The following NEB variants were observed in gnomAD, a reference collection of about 807,000 sequenced individuals.
NEB encodes the protein nebulin, also known as nemaline myopathy type 2.
In NEB, 512 loss-of-function variants were observed where a neutral mutation model predicts 952.2. That is an observed-to-expected ratio of 0.54 (90% CI 0.50 to 0.58). NEB has a LOEUF of 0.58. Among genes scored for constraint, NEB ranks in the 20% least tolerant of loss-of-function variants. The pLI is 0.00. For missense variants in NEB, 8,428 were observed against 9,231.1 expected (o/e 0.91, Z 3.56); for synonymous variants, 2,900 against 3,149.8 (o/e 0.92, Z 2.66).
rs2097886912 is a variant in NEB, at chr2:151,609,956, TG to T, written c.12182del (p.Pro4061GlnfsTer5). The T allele has an allele frequency of 6.2e-7, 1 of 1,613,922 alleles. No individual in the cohort carries two copies. Among genetic ancestry groups the T allele is most frequent in the Non-Finnish European group, 8.5e-7 (1 of 1,179,860 alleles). On this transcript the variant is annotated frameshift_variant, in exon 81 of 182. Coordinates refer to ENST00000397345, the MANE Select transcript of NEB (RefSeq NM_001164508.2). LOFTEE classifies it high-confidence loss of function. ...CCAGCAAGATGCTTAACATGTCCAC[TG>T]GGCTAGAGAACTTGGTTTTCCACTT... Reference protein sequence around the residue: ...FQKWKTKFSSPVDMLSILLAK... With the variant: ...FQKWKTKFSSXVDMLSILLAK...
chr2:151,667,917 A>G lies in NEB; in HGVS notation c.4612-6T>C. 6.2e-7 allele frequency: 1 copy of G among 1,601,042 alleles called. No individual in the cohort carries two copies. The highest frequency in any genetic ancestry group is 8.5e-7 in the Non-Finnish European group (1 of 1,170,524). On this transcript the variant is annotated splice_region_variant and splice_polypyrimidine_tract_variant and intron_variant, in intron 39 of 181. Coordinates refer to ENST00000397345, the MANE Select transcript of NEB (RefSeq NM_001164508.2). ...CAATCTGCTTTATAATGAGCCTTCA[A>G]AAAAGTAGAGGTTATTTTATTATTT...
chr2:151,726,566 C>T (rs2099791089), intron 5 of NEB, among the ~76,000 whole-genome samples: 1 of 152,146 alleles, frequency 6.6e-6, no homozygotes, highest in African/African-American at 2.4e-5. Flanking sequence ...CTCAGCCCAC[C>T]ATGGACAATA....
intron 40 of NEB, among the ~76,000 whole-genome samples, chr2:151,667,131 T>C (rs1166684914): frequency 6.6e-6 from 1 of 151,286 alleles, no homozygotes; most frequent in Non-Finnish European, 1.5e-5. Flanking sequence ...CCAGAAAGAA[T>C]CAGCAAAATA....
chr2:151,694,091 T>C lies in NEB; in HGVS notation c.1896+232A>G, dbSNP rs574074634. On this transcript the variant is annotated intron_variant, in intron 20 of 181. Transcript: ENST00000397345. ...ATTGGCAGAATATTTTTCCTCCTAA[T>C]AAAACAGAGGGCATTAAGGAGATTA... 1.0e-3 allele frequency among the ~76,000 whole-genome samples: 158 copies of C among 152,298 alleles called. 2 individuals are homozygous for C. The highest frequency in any genetic ancestry group is 3.4e-3 in the African/African-American group (143 of 41,574).
At chr2:151,521,864 C>G (rs1036684404) in intron 153 of NEB, among the ~76,000 whole-genome samples, 1 of 152,116 alleles carries the variant, frequency 6.6e-6, no homozygotes, top group Non-Finnish European at 1.5e-5. Context: ...TTTGGCCTTC[C>G]TTTTTGACTG....
At chr2:151,493,244 T>C (rs2057947794) in intron 176 of NEB, 109 bp downstream of exon 176, 3 of 882,828 alleles carry the variant, frequency 3.4e-6, no homozygotes, top group South Asian at 1.7e-5. Flanking sequence ...ATTTTTCTCT[T>C]TTAAAATTTT....
At position 151,619,579 on chromosome 2, in the gene NEB, C is replaced by T. The variant is rs139798654; in HGVS notation, c.10744G>A (p.Val3582Ile). The T allele has an allele frequency of 4.5e-4, 719 of 1,613,920 alleles. 4 individuals are homozygous for T. The African/African-American group carries it at 8.2e-3, about 18-fold the overall frequency. ...AAGGTCTGACACTTCTTGGCCAAAA[C>T]GATACCAAGCATGTCCACTGGGCTG... ...YSSPVDMLGI[V>I]LAKKCQTLVS... Residue 3582 changes from valine to isoleucine, a missense_variant, in exon 73 of 182, where the codon GTT (valine) becomes ATT (isoleucine). Coordinates refer to ENST00000397345, the MANE Select transcript of NEB (RefSeq NM_001164508.2).
chr2:151,505,619 G>A lies in NEB; in HGVS notation c.23650-49C>T, dbSNP rs751019290. The A allele has an allele frequency of 7.0e-6, 10 of 1,431,188 alleles. No individual in the cohort carries two copies. In the African/African-American group the frequency reaches 1.3e-4, roughly 18 times the overall value. The allele number at this position is 1,431,188 out of a possible 1,614,324, so 88.7% of individuals were successfully genotyped here. A position where few individuals can be genotyped will look rare whatever the true frequency, so the allele number is the denominator to read the frequency against. On this transcript the variant is annotated intron_variant, in intron 164 of 181. Coordinates refer to ENST00000397345, the MANE Select transcript of NEB (RefSeq NM_001164508.2). ...GAAAGGTATTATTACATGCTGGACTGTTATTCTTCCCAACATGTACATGTT... is the reference window on the plus strand; with the variant it reads ...GAAAGGTATTATTACATGCTGGACTATTATTCTTCCCAACATGTACATGTT...
At chr2:151,513,005 G>A (rs2075619485) in intron 160 of NEB, among the ~76,000 whole-genome samples, 168 bp from the exon 161 acceptor site, 2 of 152,192 alleles carry the variant, frequency 1.3e-5, no homozygotes. Context: ...ACCAAAGAGT[G>A]AGATTCAGTA....
chr2:151,552,887 C>T, intron 127 of NEB, 111 bp from the exon 128 acceptor site: 1 of 707,286 alleles, frequency 1.4e-6, no homozygotes, highest in Admixed American at 2.3e-5. Context: ...TATTCATCAG[C>T]ACTACTCAAC....
rs190788190 is a variant in NEB at position 151,694,493 on chromosome 2, G to A, written c.1782+29C>T. 42 of 1,613,474 alleles carry A rather than the reference G, an allele frequency of 2.6e-5. No individual in the cohort carries two copies. The East Asian group carries it at 7.4e-4, about 28-fold the overall frequency. ...TCAAGAGGAAATGTCCCCGAAGCCA[G>A]CCTGTCCAGGTCCCCAGGCCACACT... On this transcript the variant is annotated intron_variant, in intron 19 of 181. Coordinates refer to ENST00000397345, the MANE Select transcript of NEB (RefSeq NM_001164508.2).
chr2:151,640,254 C>G, intron 61 of NEB, 101 bp downstream of exon 61: 2 of 1,532,940 alleles, frequency 1.3e-6, no homozygotes, highest in Non-Finnish European at 8.8e-7. Context: ...CTATTTGCCT[C>G]CTCCAGGGGC....
chr2:151,650,152 A>G (rs2099015520), intron 54 of NEB, 24 bp downstream of exon 54: 1 of 1,605,410 alleles, frequency 6.2e-7, no homozygotes, highest in African/African-American at 1.3e-5. Flanking sequence ...ACTATAATCT[A>G]TTTATTTCCA....
Position 151,506,310 on chromosome 2 carries a change from C to T in NEB, c.23557-52G>A, listed in dbSNP as rs150007888. On this transcript the variant is annotated intron_variant, in intron 163 of 181. Transcript: ENST00000397345. The stretch of plus-strand genomic sequence containing the variant: ...TAACACAGAAGAAAAGAAAACCCAG[C>T]AGTTCCTGGAGAAAGACTAGGACAC... 3,035 of 1,370,488 alleles carry T rather than the reference C, an allele frequency of 2.2e-3. 26 individuals are homozygous for T. The highest frequency in any genetic ancestry group is 0.012 in the South Asian group (977 of 81,486). The allele number at this position is 1,370,488 out of a possible 1,614,324, so 84.9% of individuals were successfully genotyped here.
chr2:151,532,732 G>A (rs79710954), intron 143 of NEB, among the ~76,000 whole-genome samples: 1,645 of 124,216 alleles, frequency 0.013, 39 homozygotes, highest in African/African-American at 0.045. Flanking sequence ...TTGCTAAGAG[G>A]AAAGCTCAAT....
chr2:151,581,431 G>A (rs1423467018), intron 103 of NEB, 52 bp downstream of exon 103: 13 of 506,198 alleles, frequency 2.6e-5, no homozygotes, highest in Non-Finnish European at 4.0e-5. Flanking sequence ...ATAATAAAAG[G>A]TTTGGTTAGG....
At position 151,729,597 on chromosome 2, in the gene NEB, C is replaced by G. The variant is rs375533560; in HGVS notation, c.78+18G>C. The G allele has an allele frequency of 1.3e-4, 207 of 1,612,594 alleles. No individual in the cohort carries two copies. The Middle Eastern group carries it at 1.5e-3, about 12-fold the overall frequency. ...TTTAATGAGAATGCAGTTTATGCAG[C>G]TGTGGGCTGGGCCTTACCTCTCCCG... On this transcript the variant is annotated intron_variant, in intron 4 of 181. Transcript: ENST00000397345.
At position 151,592,125 on chromosome 2, in the gene NEB, T is replaced by C. The variant is rs1424566450; in HGVS notation, c.14735A>G (p.Asn4912Ser). The C allele has an allele frequency of 1.3e-6, 2 of 1,549,494 alleles. No homozygotes were observed. Among genetic ancestry groups the C allele is most frequent in the African/African-American group, 1.4e-5 (1 of 73,010 alleles). Reference sequence around the variant, plus strand: ...ATTAGCCTTCTCTTTCTCCCAGGCATTGCGATACAATGGCTGGGAAAAATG... The same window carrying C: ...ATTAGCCTTCTCTTTCTCCCAGGCACTGCGATACAATGGCTGGGAAAAATG... ...AVQISEPLYR[N>S]AWEKEKANVN... The change falls in exon 95 of 182, where the codon AAT becomes AGT. Residue 4912 changes from asparagine to serine, a missense_variant. By Grantham distance (46) the Asn-to-Ser change is conservative (BLOSUM62 1). Coordinates refer to ENST00000397345, the MANE Select transcript of NEB (RefSeq NM_001164508.2).
chr2:151,673,089 G>A (rs1261954632), intron 36 of NEB, among the ~76,000 whole-genome samples: 1 of 152,130 alleles, frequency 6.6e-6, no homozygotes, highest in East Asian at 1.9e-4. Context: ...GGCCTTCACT[G>A]ACTCCTTTTA....
Sources: gnomAD v4.1 joint callset for allele counts (sites outside exome capture counted in the v4.1 genomes callset) on GRCh38, gnomAD v4.1.1 for gene constraint, MANE v1.5 for transcripts, NCBI Gene and HGNC (gene_info 2026-07-23, HGNC 2026-07-21) for gene names.